KANK1: variants seen among roughly 807,000 people sequenced by gnomAD.
KANK1 encodes KN motif and ankyrin repeat domains 1.
KANK1 carries 109 observed loss-of-function variants against 106.2 expected under a neutral mutation model. The ratio of observed to expected loss-of-function variants is 1.03; its 90% CI spans 0.88 to 1.20. KANK1 has a LOEUF of 1.20. KANK1 is among the 50% of genes most tolerant of loss of function. The pLI is 0.00. For synonymous variants in KANK1, 873 were observed against 652.2 expected (o/e 1.34, Z -5.16); for missense variants, 2,399 against 1,710.7 (o/e 1.40, Z -7.10).
chr9:711,114 T>C lies in KANK1; in HGVS notation c.348T>C (p.Thr116=), dbSNP rs371928586. Residue 116 remains threonine (T), a synonymous_variant, in exon 3 of 12, where the codon ACT becomes ACC. Transcript: ENST00000382297. ...TAGCCAGAAGTCAAGTTACATCAAC[T>C]CCAATCTCAAAGCCACCTCCCCCTC... ...FLIARSQVTS[T]PISKPPPPLE... 2.5e-6 allele frequency: 4 copies of C among 1,613,896 alleles called. No homozygotes were observed. Among genetic ancestry groups the C allele is most frequent in the African/African-American group, 1.3e-5 (1 of 74,844 alleles).
At chr9:510,829 T>G (rs7854730) in intron 1 of KANK1, among the ~76,000 whole-genome samples, 1 of 152,072 alleles carries the variant, frequency 6.6e-6, no homozygotes, top group African/African-American at 2.4e-5. Flanking sequence ...TAGGCTGCTT[T>G]TTTGCCTAAT....
chr9:743,878 C>T (rs1224735531), intron 10 of KANK1, among the ~76,000 whole-genome samples: 2 of 152,190 alleles, frequency 1.3e-5, no homozygotes, highest in Admixed American at 6.5e-5. Flanking sequence ...AGACAGAAGA[C>T]AAGTTGTGTT....
At chr9:533,642 T>TG (rs1435437542) in intron 1 of KANK1, among the ~76,000 whole-genome samples, 1 of 152,232 alleles carries the variant, frequency 6.6e-6, no homozygotes, top group Non-Finnish European at 1.5e-5. Flanking sequence ...AAGGTGGTGC[T>TG]GCTGGGTGAG....
chr9:586,869 C>A (rs1419314424), intron 1 of KANK1, among the ~76,000 whole-genome samples: 1 of 152,144 alleles, frequency 6.6e-6, no homozygotes, highest in Non-Finnish European at 1.5e-5. Flanking sequence ...CCCTGCACCC[C>A]CAGCAGGAAA....
In KANK1 at chr9:615,416, C is replaced by G. The variant is rs536123842; in HGVS notation, c.-83-61474C>G. Among the ~76,000 whole-genome samples, 10 of 152,206 alleles carry G rather than the reference C, an allele frequency of 6.6e-5. No homozygotes were observed. In the South Asian group the frequency reaches 1.9e-3, roughly 28 times the overall value. On this transcript the variant is annotated intron_variant, in intron 1 of 11. Transcript: ENST00000382297. ...TTTTTTTCTTTCTACAGAAGTATCA[C>G]TGGGTGGGAGAAAGCCTTACCTGTG...
intron 1 of KANK1, among the ~76,000 whole-genome samples, chr9:649,616 G>C (rs16921801): frequency 0.023 from 3,570 of 152,258 alleles, 159 homozygotes; most frequent in African/African-American, 0.081. Context: ...TTTGTTCACT[G>C]TGGCACAGAA....
At chr9:631,791 G>A (rs755288647) in intron 1 of KANK1, among the ~76,000 whole-genome samples, 1 of 152,022 alleles carries the variant, frequency 6.6e-6, no homozygotes, top group Non-Finnish European at 1.5e-5. Context: ...ATCTGCTCTG[G>A]GTGCTCTTTG....
chr9:574,157 G>C (rs972449950), intron 1 of KANK1, among the ~76,000 whole-genome samples: 3 of 152,202 alleles, frequency 2.0e-5, no homozygotes, highest in African/African-American at 7.2e-5. Context: ...TTTGAAAAGC[G>C]CAGCTCGCAC....
chr9:723,224 C>T (rs984991121), intron 3 of KANK1, among the ~76,000 whole-genome samples: 5 of 151,992 alleles, frequency 3.3e-5, no homozygotes, highest in African/African-American at 1.2e-4. Flanking sequence ...CCACCTTGAC[C>T]CTTGGATGCC....
chr9:734,843 T>A lies in KANK1; in HGVS notation c.3333+8T>A, dbSNP rs1182843956. ...TTGACCAGCAAAGATATGGTGAGTC[T>A]GACCTGCAAACACCATCCCCAGTGT... On this transcript the variant is annotated splice_region_variant and intron_variant, in intron 7 of 11. Coordinates refer to ENST00000382297, the MANE Select transcript of KANK1 (RefSeq NM_015158.5). The A allele has an allele frequency of 1.2e-6, 2 of 1,602,586 alleles. No homozygotes were observed. Among genetic ancestry groups the A allele is most frequent in the African/African-American group, 1.3e-5 (1 of 74,678 alleles).
intron 8 of KANK1, 33 bp from the exon 9 acceptor site, chr9:740,759 T>A (rs767016498): frequency 6.3e-7 from 1 of 1,590,510 alleles, no homozygotes; most frequent in Non-Finnish European, 8.5e-7. Flanking sequence ...AGGGGCTGCT[T>A]CCTAAGAGAC....
chr9:608,479 C>T (rs1250395549), intron 1 of KANK1, among the ~76,000 whole-genome samples: 2 of 151,566 alleles, frequency 1.3e-5, no homozygotes, highest in African/African-American at 4.9e-5. Flanking sequence ...CCAATGTTAC[C>T]TATAAGAAAA....
intron 3 of KANK1, among the ~76,000 whole-genome samples, chr9:721,505 T>C (rs1473157598): frequency 6.6e-6 from 1 of 152,228 alleles, no homozygotes; most frequent in Non-Finnish European, 1.5e-5. Context: ...AAAACTTATT[T>C]TGGAAATAAA....
intron 2 of KANK1, among the ~76,000 whole-genome samples, chr9:685,958 A>T (rs915502506): frequency 6.6e-6 from 1 of 152,132 alleles, no homozygotes; most frequent in Non-Finnish European, 1.5e-5. Flanking sequence ...TCCACTGTCC[A>T]TTAGGCCAAG....
At chr9:728,038 A>C (rs1196257164) in intron 3 of KANK1, among the ~76,000 whole-genome samples, 1 of 152,118 alleles carries the variant, frequency 6.6e-6, no homozygotes, top group African/African-American at 2.4e-5. Flanking sequence ...ATTAAAACAG[A>C]GATCTTAGGA....
In KANK1 at chr9:635,905, C is replaced by T. The variant is rs1308512781; in HGVS notation, c.-83-40985C>T. On this transcript the variant is annotated intron_variant, in intron 1 of 11. Transcript: ENST00000382297. ...GGTCAGACTGGTCTTGAACTCCTGG[C>T]CTCAGGTGATCCACCTGCATCAGCC... is the stretch of plus-strand genomic sequence containing the variant. 2.0e-5 allele frequency among the ~76,000 whole-genome samples: 3 copies of T among 151,918 alleles called. No individual in the cohort carries two copies. In the East Asian group the frequency reaches 5.8e-4, roughly 29 times the overall value.
intron 1 of KANK1, among the ~76,000 whole-genome samples, chr9:669,721 A>T (rs773964671): frequency 3.3e-5 from 5 of 151,994 alleles, no homozygotes; most frequent in Admixed American, 6.6e-5. Flanking sequence ...ATTTGGGTCA[A>T]ATCTGTTTAG....
intron 1 of KANK1, among the ~76,000 whole-genome samples, chr9:537,227 G>A (rs557706008): frequency 5.9e-5 from 9 of 152,234 alleles, no homozygotes; most frequent in South Asian, 2.1e-4. Context: ...CTGCTCTTGC[G>A]TGGGAAAATT....
intron 2 of KANK1, among the ~76,000 whole-genome samples, chr9:678,937 C>G (rs1481907090): frequency 6.6e-6 from 1 of 152,124 alleles, no homozygotes; most frequent in African/African-American, 2.4e-5. Flanking sequence ...CCTCAACCTT[C>G]TTCTGGTGCC....
Sources: gnomAD v4.1 joint callset for allele counts (sites outside exome capture counted in the v4.1 genomes callset) on GRCh38, gnomAD v4.1.1 for gene constraint, MANE v1.5 for transcripts, NCBI Gene and HGNC (gene_info 2026-07-23, HGNC 2026-07-21) for gene names.